RP2: variants seen among roughly 807,000 people sequenced by gnomAD.
RP2 encodes the protein RP2 activator of ARL3 GTPase, also known as protein XRP2.
Under a neutral mutation model 20.3 loss-of-function variants are expected in RP2, and 3 were observed. That is an observed-to-expected ratio of 0.15 (90% CI 0.07 to 0.38). The LOEUF is 0.38. Among genes scored for constraint, RP2 ranks in the 10% least tolerant of loss-of-function variants. The pLI, the probability that RP2 is intolerant of heterozygous loss-of-function variation, is 1.00. For missense variants in RP2, 233 were observed against 268.5 expected (o/e 0.87, Z 0.92); for synonymous variants, 75 against 94.8 (o/e 0.79, Z 1.22).
intron 2 of RP2, 74 bp from the exon 3 acceptor site, chrX:46,859,914 A>G: frequency 1.4e-6 from 1 of 727,074 alleles, no homozygotes; most frequent in South Asian, 2.3e-5. Context: ...ATACAGAGAA[A>G]TACTAGAATA....
intron 2 of RP2, 87 bp downstream of exon 2, chrX:46,854,228 A>G: frequency 7.4e-6 from 7 of 952,334 alleles, no homozygotes; most frequent in East Asian, 3.3e-5. Flanking sequence ...CAAATTGGCT[A>G]TTGGAAATAC....
intron 3 of RP2, among the ~76,000 whole-genome samples, chrX:46,868,835 C>A (rs1423046398): frequency 9.2e-6 from 1 of 108,623 alleles, no homozygotes; most frequent in Non-Finnish European, 1.9e-5. Flanking sequence ...GTGGCTCATG[C>A]CTGTAGTCCC....
chrX:46,855,998 T>C, intron 2 of RP2, among the ~76,000 whole-genome samples: 1 of 111,930 alleles, frequency 8.9e-6, no homozygotes, highest in East Asian at 2.8e-4. Context: ...TTTTCTCTTT[T>C]GCTTATGCCT....
intron 1 of RP2, among the ~76,000 whole-genome samples, chrX:46,847,779 CATACACACATGTGTGTGTGT>C (rs1924768567): frequency 1.2e-5 from 1 of 81,980 alleles, no homozygotes; most frequent in Non-Finnish European, 2.3e-5. Context: ...TGTGTGTGTA[CATACACACATGTGTGTGTGT>C]ATATATATAC....
At chrX:46,876,223 G>C (rs782507067) in intron 3 of RP2, among the ~76,000 whole-genome samples, 30 of 110,355 alleles carry the variant, frequency 2.7e-4, no homozygotes, top group Non-Finnish European at 5.1e-4. Flanking sequence ...GGGGTCAAGT[G>C]ATCTTTCCAT....
chrX:46,841,064 A>G (rs1410130627), intron 1 of RP2, among the ~76,000 whole-genome samples: 1 of 112,145 alleles, frequency 8.9e-6, no homozygotes, highest in Non-Finnish European at 1.9e-5. Context: ...CCTGAAGAAG[A>G]GGTTTAGACA....
intron 1 of RP2, among the ~76,000 whole-genome samples, chrX:46,850,144 A>G (rs1166341353): frequency 8.9e-6 from 1 of 112,166 alleles, no homozygotes; most frequent in Non-Finnish European, 1.9e-5. Context: ...TCAAGGTGCT[A>G]GCAGATTCAG....
chrX:46,875,304 T>C (rs782280309), intron 3 of RP2, among the ~76,000 whole-genome samples: 1 of 109,712 alleles, frequency 9.1e-6, no homozygotes, highest in Non-Finnish European at 1.9e-5. Context: ...TCTTTTTTTT[T>C]TTTTTTAGCA....
chrX:46,850,737 G>A (rs577079776), intron 1 of RP2, among the ~76,000 whole-genome samples: 2 of 111,418 alleles, frequency 1.8e-5, no homozygotes, highest in East Asian at 2.8e-4. Context: ...TCTCTTCCCC[G>A]CCCCAGATGT....
chrX:46,873,305 C>T (rs1925322276), intron 3 of RP2, among the ~76,000 whole-genome samples: 1 of 111,466 alleles, frequency 9.0e-6, no homozygotes, highest in African/African-American at 3.3e-5. Flanking sequence ...CAGAGTCTCA[C>T]AATTTTTCAT....
chrX:46,863,268 A>C (rs782700660), intron 3 of RP2, among the ~76,000 whole-genome samples: 1 of 112,132 alleles, frequency 8.9e-6, no homozygotes, highest in East Asian at 2.8e-4. Flanking sequence ...GCTACTTTCA[A>C]ATGACTCAGC....
chrX:46,854,142 G>T lies in RP2; in HGVS notation c.768+1G>T. On this transcript the variant is annotated splice_donor_variant, in intron 2 of 4. Coordinates refer to ENST00000218340, the MANE Select transcript of RP2 (RefSeq NM_006915.3). LOFTEE classifies it high-confidence loss of function. ...AAATGCCAGAAAACTAATTGATGAG[G>T]TAAGGAGAAAGAGAAGAGAAATAGT... is the stretch of plus-strand genomic sequence containing the variant. The T allele has an allele frequency of 8.3e-7, 1 of 1,203,503 alleles. No individual in the cohort carries two copies. Among genetic ancestry groups the T allele is most frequent in the East Asian group, 3.0e-5 (1 of 33,805 alleles).
chrX:46,856,950 G>A (rs1556319327), intron 2 of RP2, among the ~76,000 whole-genome samples: 1 of 111,582 alleles, frequency 9.0e-6, no homozygotes, highest in African/African-American at 3.3e-5. Flanking sequence ...AGATGAGTTC[G>A]CAGGGAAATA....
intron 1 of RP2, among the ~76,000 whole-genome samples, chrX:46,837,409 G>T (rs1924534403): frequency 9.0e-6 from 1 of 111,654 alleles, no homozygotes; most frequent in Non-Finnish European, 1.9e-5. Context: ...GTGGAGCTCC[G>T]GAAGGAGCCT....
chrX:46,873,541 A>G (rs139909681), intron 3 of RP2, among the ~76,000 whole-genome samples: 1,338 of 111,859 alleles, frequency 0.012, 11 homozygotes, highest in Non-Finnish European at 0.021. Context: ...TAGCAAGTGC[A>G]TTGTCAACAC....
intron 4 of RP2, among the ~76,000 whole-genome samples, chrX:46,878,269 T>C (rs868953091): frequency 1.9e-4 from 20 of 105,578 alleles, no homozygotes; most frequent in African/African-American, 5.9e-4. Flanking sequence ...CCCAGCTGCT[T>C]GGGAGGCTGA....
chrX:46,839,967 G>T lies in RP2; in HGVS notation c.102+2765G>T, dbSNP rs142163844. 1.3e-3 allele frequency among the ~76,000 whole-genome samples: 145 copies of T among 111,713 alleles called. 2 individuals carry two copies. The East Asian group carries it at 0.031, about 24-fold the overall frequency. ...TTTTTCCTTAGGTTGTGTAATCAGA[G>T]TATCTTTTTTTGATGTTTTCTTTTT... On this transcript the variant is annotated intron_variant, in intron 1 of 4. Coordinates refer to ENST00000218340, the MANE Select transcript of RP2 (RefSeq NM_006915.3).
intron 3 of RP2, among the ~76,000 whole-genome samples, chrX:46,871,855 T>C (rs782382292): frequency 2.7e-5 from 3 of 112,347 alleles, no homozygotes; most frequent in Non-Finnish European, 5.6e-5. Flanking sequence ...TCAGGTTTTG[T>C]CTCATGTATT....
chrX:46,843,158 C>G (rs1452235174), intron 1 of RP2, among the ~76,000 whole-genome samples: 3 of 109,990 alleles, frequency 2.7e-5, no homozygotes, highest in African/African-American at 9.9e-5. Flanking sequence ...CAGGCGCCCG[C>G]CGCCACGCCC....
Sources: gnomAD v4.1 joint callset for allele counts (sites outside exome capture counted in the v4.1 genomes callset) on GRCh38, gnomAD v4.1.1 for gene constraint, MANE v1.5 for transcripts, NCBI Gene and HGNC (gene_info 2026-07-23, HGNC 2026-07-21) for gene names.